The following MTDH variants were observed in gnomAD, a reference collection of about 807,000 sequenced individuals.
MTDH encodes the protein protein LYRIC.
MTDH carries 34 observed loss-of-function variants against 72.7 expected under a neutral mutation model. The ratio of observed to expected loss-of-function variants is 0.47; its 90% CI spans 0.36 to 0.62. The LOEUF is 0.62. Among genes scored for constraint, MTDH ranks in the 20% least tolerant of loss-of-function variants. MTDH has a pLI of 0.00. For synonymous variants in MTDH, 266 were observed against 268.9 expected, an observed-to-expected ratio of 0.99 and a Z score of 0.10; for missense variants, 677 against 699.4, an observed-to-expected ratio of 0.97 and a Z score of 0.36.
rs550930542 is a variant in MTDH, at chr8:97,729,607, G to T, written c.*4937G>T. On this transcript the variant is annotated 3_prime_UTR_variant, in exon 12 of 12. Coordinates refer to ENST00000336273, the MANE Select transcript of MTDH (RefSeq NM_178812.4). Reference sequence around the variant, plus strand: ...GCAGAAATTTGGAAGGCTATTCAGTGCTGCTTAGTGTAGCAGCTAATAATG... The same window carrying T: ...GCAGAAATTTGGAAGGCTATTCAGTTCTGCTTAGTGTAGCAGCTAATAATG... Among the ~76,000 whole-genome samples the T allele has an allele frequency of 5.3e-5, 8 of 152,316 alleles. No individual in the cohort carries two copies. Among genetic ancestry groups the T allele is most frequent in the African/African-American group, 1.9e-4 (8 of 41,580 alleles).
intron 1 of MTDH, among the ~76,000 whole-genome samples, chr8:97,648,643 G>A (rs1811654325): frequency 6.6e-6 from 1 of 152,112 alleles, no homozygotes; most frequent in African/African-American, 2.4e-5. Flanking sequence ...ACAGGCATGA[G>A]CAACCTCACC....
chr8:97,675,752 G>T (rs1812817738), intron 2 of MTDH, among the ~76,000 whole-genome samples: 1 of 150,114 alleles, frequency 6.7e-6, no homozygotes, highest in African/African-American at 2.5e-5. Context: ...TATGCCTGTA[G>T]TCCCAGCTCC....
chr8:97,697,285 G>A (rs1813900675), intron 6 of MTDH, among the ~76,000 whole-genome samples: 1 of 149,410 alleles, frequency 6.7e-6, no homozygotes, highest in African/African-American at 2.5e-5. Flanking sequence ...GGGCCGTGCA[G>A]CCTCTATTGC....
chr8:97,672,863 G>A (rs1197482714), intron 2 of MTDH, among the ~76,000 whole-genome samples: 6 of 152,174 alleles, frequency 3.9e-5, no homozygotes, highest in Non-Finnish European at 7.3e-5. Flanking sequence ...TTAGGATTGT[G>A]AGTTTAGCCA....
At chr8:97,697,137 T>G (rs1202090918) in intron 6 of MTDH, among the ~76,000 whole-genome samples, 6 of 68,122 alleles carry the variant, frequency 8.8e-5, no homozygotes. Context: ...AAAATATATA[T>G]ATATATATAT....
chr8:97,677,021 A>AAAAAAAAAAAAAAC (rs1812877114), intron 2 of MTDH, among the ~76,000 whole-genome samples: 2 of 142,886 alleles, frequency 1.4e-5, no homozygotes, highest in Non-Finnish European at 3.1e-5. Context: ...AAAAAAAAAA[A>AAAAAAAAAAAAAAC]AAAATACAAA....
intron 8 of MTDH, among the ~76,000 whole-genome samples, chr8:97,710,766 G>A (rs960804264): frequency 6.7e-6 from 1 of 149,518 alleles, no homozygotes; most frequent in Non-Finnish European, 1.5e-5. Context: ...TTGGGAGGCC[G>A]AGGCAAGTGG....
chr8:97,661,300 T>A (rs1160852020), intron 2 of MTDH, 127 bp downstream of exon 2: 1 of 637,680 alleles, frequency 1.6e-6, no homozygotes. Context: ...AAAATCTGAA[T>A]TAACCATAGT....
chr8:97,653,049 G>A (rs1048777509), intron 1 of MTDH, among the ~76,000 whole-genome samples: 2 of 151,838 alleles, frequency 1.3e-5, no homozygotes, highest in African/African-American at 4.8e-5. Context: ...AACCCGGGAG[G>A]CGGAGGTTGC....
chr8:97,671,372 T>C (rs73286146), intron 2 of MTDH, among the ~76,000 whole-genome samples: 8,296 of 152,220 alleles, frequency 0.055, 746 homozygotes, highest in African/African-American at 0.19. Flanking sequence ...AACACAGATA[T>C]ATGAATCCAG....
chr8:97,691,942 C>T (rs1326549269), intron 6 of MTDH, among the ~76,000 whole-genome samples: 2 of 151,694 alleles, frequency 1.3e-5, no homozygotes, highest in Non-Finnish European at 2.9e-5. Context: ...TGCAGTGGCG[C>T]GATCTCAGCT....
intron 7 of MTDH, among the ~76,000 whole-genome samples, chr8:97,700,759 C>G (rs1361275815): frequency 6.6e-6 from 1 of 152,228 alleles, no homozygotes; most frequent in Non-Finnish European, 1.5e-5. Context: ...TCTAGCTTTT[C>G]CCAGGCCACA....
chr8:97,656,525 T>A (rs538237002), intron 1 of MTDH, among the ~76,000 whole-genome samples: 9 of 151,332 alleles, frequency 5.9e-5, no homozygotes, highest in Non-Finnish European at 1.2e-4. Flanking sequence ...ATGGTCTCGA[T>A]CTCTTGACCT....
chr8:97,693,650 T>C lies in MTDH; in HGVS notation c.1048+2462T>C, dbSNP rs142107412. 9.2e-5 allele frequency among the ~76,000 whole-genome samples: 14 copies of C among 152,336 alleles called. No individual in the cohort carries two copies. In the East Asian group the frequency reaches 2.5e-3, roughly 27 times the overall value. Reference sequence around the variant, plus strand: ...CGTTTCTTGGTCATTTCTATTTCTTTTATGAATTGTCTGTTCTTGTTATTT... The same window carrying C: ...CGTTTCTTGGTCATTTCTATTTCTTCTATGAATTGTCTGTTCTTGTTATTT... On this transcript the variant is annotated intron_variant, in intron 6 of 11. Coordinates refer to ENST00000336273, the MANE Select transcript of MTDH (RefSeq NM_178812.4).
intron 2 of MTDH, among the ~76,000 whole-genome samples, chr8:97,677,024 A>AAAAAAAAT (rs1812877457): frequency 1.4e-5 from 2 of 141,746 alleles, no homozygotes; most frequent in African/African-American, 5.3e-5. Flanking sequence ...AAAAAAAAAA[A>AAAAAAAAT]ATACAAAAAT....
At position 97,727,110 on chromosome 8, in the gene MTDH, T is replaced by C. The variant is rs1815386243; in HGVS notation, c.*2440T>C. 1 of 151,716 alleles carries C rather than the reference T, an allele frequency of 6.6e-6. No homozygotes were observed. The highest frequency in any genetic ancestry group is 1.5e-5 in the Non-Finnish European group (1 of 67,978). 9.4% of individuals were successfully genotyped at this position (151,716 alleles called of 1,614,324 possible). On this transcript the variant is annotated 3_prime_UTR_variant, in exon 12 of 12. Transcript: ENST00000336273. The stretch of plus-strand genomic sequence containing the variant: ...AAAAAGATGGCAGCTATATAAATGA[T>C]AAAATTAATTACATTCTCTTTCACA...
chr8:97,681,355 T>C (rs1334453581), intron 2 of MTDH, among the ~76,000 whole-genome samples: 3 of 151,894 alleles, frequency 2.0e-5, no homozygotes, highest in Non-Finnish European at 4.4e-5. Flanking sequence ...GAAGACATCA[T>C]ATGTCATGTA....
chr8:97,651,168 C>T (rs1193112604), intron 1 of MTDH, among the ~76,000 whole-genome samples: 1 of 152,160 alleles, frequency 6.6e-6, no homozygotes, highest in African/African-American at 2.4e-5. Flanking sequence ...AGGTCCAAGC[C>T]TCTGGTCACA....
At chr8:97,690,021 A>G (rs1443792508) in intron 5 of MTDH, among the ~76,000 whole-genome samples, 1 of 122,102 alleles carries the variant, frequency 8.2e-6, no homozygotes, top group African/African-American at 3.2e-5. Flanking sequence ...TTAAAGACAG[A>G]GTTTTGCTTG....
Sources: allele counts gnomAD v4.1 joint callset (sites outside exome capture counted in the v4.1 genomes callset), GRCh38; gene constraint gnomAD v4.1.1; transcripts MANE v1.5; gene names NCBI Gene and HGNC (gene_info 2026-07-23, HGNC 2026-07-21).